DNAJC11: variants seen among roughly 807,000 people sequenced by gnomAD.
The protein encoded by DNAJC11 is DnaJ heat shock protein family (Hsp40) member C11, also known as dnaJ homolog subfamily C member 11.
DNAJC11 carries 15 observed loss-of-function variants against 78.6 expected under a neutral mutation model. The observed-to-expected ratio is 0.19, with a 90% CI of 0.13 to 0.29. The LOEUF (loss-of-function observed/expected upper bound fraction) is 0.29. Ranked by LOEUF, DNAJC11 falls within the 10% of genes least tolerant of loss-of-function variation. DNAJC11 has a pLI of 1.00. For missense variants in DNAJC11, 547 were observed against 709.6 expected (o/e 0.77, Z 2.60); for synonymous variants, 292 against 272.1 (o/e 1.07, Z -0.72).
intron 9 of DNAJC11, 103 bp from the exon 10 acceptor site, chr1:6,644,777 GCCT>G: frequency 9.8e-7 from 1 of 1,022,944 alleles, no homozygotes; most frequent in Non-Finnish European, 1.5e-6. Flanking sequence ...CCTCCCTCCA[GCCT>G]CCTCGACCCC....
At chr1:6,636,283 C>G in intron 14 of DNAJC11, 37 bp from the exon 15 acceptor site, 1 of 1,609,898 alleles carries the variant, frequency 6.2e-7, no homozygotes, top group Non-Finnish European at 8.5e-7. Context: ...ATACTCCAGA[C>G]GGTCTAAGAC....
chr1:6,651,333 G>T (rs1329401481), intron 7 of DNAJC11, among the ~76,000 whole-genome samples, 196 bp downstream of exon 7: 1 of 152,196 alleles, frequency 6.6e-6, no homozygotes, highest in Non-Finnish European at 1.5e-5. Flanking sequence ...ACAAGGGTCC[G>T]GCCCCCTCAA....
chr1:6,665,388 A>G (rs953371609), intron 4 of DNAJC11, among the ~76,000 whole-genome samples: 1 of 152,154 alleles, frequency 6.6e-6, no homozygotes, highest in Non-Finnish European at 1.5e-5. Flanking sequence ...TCCTTAAAGC[A>G]GAGATCACCC....
intron 1 of DNAJC11, among the ~76,000 whole-genome samples, chr1:6,687,671 TC>T (rs1418662047): frequency 6.6e-6 from 1 of 152,126 alleles, no homozygotes; most frequent in African/African-American, 2.4e-5. Flanking sequence ...TTCCTCTTAT[TC>T]CCAGCTCCGC....
At chr1:6,700,055 GAAGA>G (rs751057678) in intron 1 of DNAJC11, among the ~76,000 whole-genome samples, 3 of 152,154 alleles carry the variant, frequency 2.0e-5, no homozygotes, top group Non-Finnish European at 4.4e-5. Flanking sequence ...TGCCTTAACT[GAAGA>G]TATTCCACCA....
intron 4 of DNAJC11, among the ~76,000 whole-genome samples, chr1:6,662,128 G>GTTTTTTTTTT (rs1222028818): frequency 7.3e-5 from 10 of 137,830 alleles, no homozygotes; most frequent in African/African-American, 1.9e-4. Flanking sequence ...ATTGTTTTTT[G>GTTTTTTTTTT]TTTTTTGTTT....
At chr1:6,696,628 T>A (rs1195000294) in intron 1 of DNAJC11, among the ~76,000 whole-genome samples, 1 of 152,168 alleles carries the variant, frequency 6.6e-6, no homozygotes, top group Non-Finnish European at 1.5e-5. Flanking sequence ...AGAGAAGGAA[T>A]GAAAATGCAG....
At chr1:6,681,682 G>A (rs1570306274) in intron 1 of DNAJC11, among the ~76,000 whole-genome samples, 1 of 152,248 alleles carries the variant, frequency 6.6e-6, no homozygotes, top group East Asian at 1.9e-4. Context: ...AGGCAGACGG[G>A]CTCTGGTGTG....
At chr1:6,642,340 G>T (rs998507272) in intron 10 of DNAJC11, among the ~76,000 whole-genome samples, 1 of 152,238 alleles carries the variant, frequency 6.6e-6, no homozygotes, top group Non-Finnish European at 1.5e-5. Context: ...GACAGGTTCC[G>T]TGGGGAGGGT....
intron 10 of DNAJC11, among the ~76,000 whole-genome samples, chr1:6,642,604 C>T (rs1641894610): frequency 6.6e-6 from 1 of 152,038 alleles, no homozygotes; most frequent in Admixed American, 6.6e-5. Flanking sequence ...CTTTAGGAGG[C>T]CGAAGCGGGA....
intron 3 of DNAJC11, among the ~76,000 whole-genome samples, chr1:6,675,019 T>G (rs750235278): frequency 1.3e-5 from 2 of 152,198 alleles, no homozygotes; most frequent in Non-Finnish European, 2.9e-5. Context: ...TACAGCTTCC[T>G]CCCTGGAGTG....
intron 4 of DNAJC11, among the ~76,000 whole-genome samples, chr1:6,661,410 C>T (rs1557476284): frequency 6.6e-6 from 1 of 152,116 alleles, no homozygotes; most frequent in South Asian, 2.1e-4. Flanking sequence ...TGTTTGTGAG[C>T]GATTATGCTG....
intron 3 of DNAJC11, among the ~76,000 whole-genome samples, chr1:6,669,133 G>C (rs563131411): frequency 1.7e-4 from 26 of 150,968 alleles, no homozygotes; most frequent in Non-Finnish European, 3.5e-4. Context: ...GTTGCAGTGA[G>C]CTGAGATCAT....
intron 2 of DNAJC11, among the ~76,000 whole-genome samples, chr1:6,679,083 T>C (rs1361023830): frequency 1.3e-5 from 2 of 152,156 alleles, no homozygotes; most frequent in Non-Finnish European, 2.9e-5. Flanking sequence ...GGCTCCTGCA[T>C]TGGGAAAGGA....
intron 1 of DNAJC11, among the ~76,000 whole-genome samples, chr1:6,691,482 G>C (rs1642745462): frequency 6.6e-6 from 1 of 152,192 alleles, no homozygotes; most frequent in African/African-American, 2.4e-5. Flanking sequence ...ACAAGCTCCA[G>C]AGTTGCACCA....
chr1:6,692,932 G>A (rs12071661), intron 1 of DNAJC11, among the ~76,000 whole-genome samples: 11 of 144,836 alleles, frequency 7.6e-5, no homozygotes, highest in Non-Finnish European at 1.7e-4. Context: ...CTTTGACAGA[G>A]TCTTGCTCTG....
In DNAJC11 at chr1:6,635,112, G is replaced by A. The variant is rs772735721; in HGVS notation, c.*563C>T. The A allele has an allele frequency of 4.0e-5, 7 of 174,766 alleles. No individual in the cohort carries two copies. The highest frequency in any genetic ancestry group is 4.9e-5 in the Non-Finnish European group (4 of 80,828). 10.8% of individuals were successfully genotyped at this position (174,766 alleles called of 1,614,324 possible). A position where few individuals can be genotyped will look rare whatever the true frequency, so the allele number is the denominator to read the frequency against. ...AAAAAGACGACTAATTTCCAAACCC[G>A]TTTGTTCTCAGATAAAAAGCAGTTT... On this transcript the variant is annotated 3_prime_UTR_variant, in exon 16 of 16. Transcript: ENST00000377577.
chr1:6,677,936 C>A (rs1391343250), intron 3 of DNAJC11, among the ~76,000 whole-genome samples: 1 of 152,228 alleles, frequency 6.6e-6, no homozygotes, highest in Non-Finnish European at 1.5e-5. Flanking sequence ...ATTTTGCTCA[C>A]GTGCATAACA....
chr1:6,668,418 C>A (rs1229852403), intron 3 of DNAJC11, among the ~76,000 whole-genome samples: 1 of 152,168 alleles, frequency 6.6e-6, no homozygotes, highest in Non-Finnish European at 1.5e-5. Flanking sequence ...GGATTACAGG[C>A]TTGAGCCACT....
Sources: allele counts gnomAD v4.1 joint callset (sites outside exome capture counted in the v4.1 genomes callset), GRCh38; gene constraint gnomAD v4.1.1; transcripts MANE v1.5; gene names NCBI Gene and HGNC (gene_info 2026-07-23, HGNC 2026-07-21).